Variants in CSE1L observed in about 807,000 individuals in gnomAD.
CSE1L encodes chromosome segregation 1 like.
In CSE1L, 24 loss-of-function variants were observed where a neutral mutation model predicts 120.4. That is an observed-to-expected ratio of 0.20 (90% CI 0.14 to 0.28). The LOEUF (loss-of-function observed/expected upper bound fraction) is 0.28, where lower values mean the gene tolerates loss of function less well. Ranked by LOEUF, CSE1L falls within the 10% of genes least tolerant of loss-of-function variation. The pLI, the probability that CSE1L is intolerant of heterozygous loss-of-function variation, is 1.00. For synonymous variants in CSE1L, 402 were observed against 398.3 expected (o/e 1.01, Z -0.11); for missense variants, 830 against 1,145.2 (o/e 0.72, Z 3.97).
chr20:49,079,051 C>G (rs2091990302), intron 14 of CSE1L, among the ~76,000 whole-genome samples: 1 of 152,018 alleles, frequency 6.6e-6, no homozygotes, highest in African/African-American at 2.4e-5. Flanking sequence ...GCCACCACAC[C>G]TAGCTAATTT....
intron 1 of CSE1L, among the ~76,000 whole-genome samples, chr20:49,052,268 T>A (rs2091772171): frequency 6.6e-6 from 1 of 152,250 alleles, no homozygotes; most frequent in South Asian, 2.1e-4. Flanking sequence ...CTGAAGGTCC[T>A]GAGCATACAG....
At position 49,088,555 on chromosome 20, in the gene CSE1L, T is replaced by C. The variant is rs1013623230; in HGVS notation, c.1821+449T>C. The stretch of plus-strand genomic sequence containing the variant: ...ATTTTACAGATACTTAGATTCATGT[T>C]TATTAACACTAAATTTTAGAAAATA... On this transcript the variant is annotated intron_variant, in intron 17 of 24. Transcript: ENST00000262982. Among the ~76,000 whole-genome samples the C allele has an allele frequency of 2.0e-5, 3 of 152,248 alleles. No individual in the cohort carries two copies. In the South Asian group the frequency reaches 6.2e-4, roughly 31 times the overall value.
rs956803648 is a variant in CSE1L, at chr20:49,094,201, G to A, written c.2509G>A (p.Val837Ile). The change falls in exon 23 of 25, where the codon GTA becomes ATA. Residue 837 changes from valine to isoleucine, a missense_variant. Val to Ile is a conservative substitution (Grantham distance 29). This residue lies in a region of CSE1L where 112 missense variants were observed against 200.0 expected (regional missense o/e 0.56). Coordinates refer to ENST00000262982, the MANE Select transcript of CSE1L (RefSeq NM_001316.4). ...TGAAATTCAGAAGGTATCTGGAAAT[G>A]TAGAGAAAAAGATCTGTGCGGTTGG... ...IPEIQKVSGN[V>I]EKKICAVGIT... is the part of the protein sequence containing the mutation. 1.9e-6 allele frequency: 3 copies of A among 1,606,238 alleles called. No individual in the cohort carries two copies. In the African/African-American group the frequency reaches 4.0e-5, roughly 21 times the overall value.
At chr20:49,058,329 C>G in intron 1 of CSE1L, 124 bp from the exon 2 acceptor site, 1 of 543,446 alleles carries the variant, frequency 1.8e-6, no homozygotes, top group South Asian at 3.4e-5. Flanking sequence ...GTTTACTGCC[C>G]ATATAAAAAA....
chr20:49,094,107 CTAATAT>C (rs1480955296), intron 22 of CSE1L, 27 bp from the exon 23 acceptor site: 2 of 1,282,752 alleles, frequency 1.6e-6, no homozygotes, highest in South Asian at 2.7e-5. Context: ...TAGTGATAAT[CTAATAT>C]TAAGTTGATT....
chr20:49,060,184 T>TAA (rs397839598), intron 2 of CSE1L, among the ~76,000 whole-genome samples: 53 of 133,466 alleles, frequency 4.0e-4, no homozygotes, highest in Admixed American at 5.4e-4. Flanking sequence ...AATCTTGTCT[T>TAA]AAAAAAAAAA....
chr20:49,089,271 C>A lies in CSE1L; in HGVS notation c.1846C>A (p.His616Asn). The A allele has an allele frequency of 6.3e-7, 1 of 1,585,762 alleles. No homozygotes were observed. The highest frequency in any genetic ancestry group is 1.9e-5 in the Admixed American group (1 of 52,160). ...SKNPSKPHFN[H>N]YMFEAICLSI... ...GAACCCAAGCAAACCTCACTTTAAT[C>A]ACTACATGTTTGAAGCAATATGTTT... The change falls in exon 18 of 25, where the codon CAC becomes AAC. Residue 616 changes from histidine (H) to asparagine (N), a missense_variant. Coordinates refer to ENST00000262982, the MANE Select transcript of CSE1L (RefSeq NM_001316.4).
chr20:49,062,591 G>A lies in CSE1L; in HGVS notation c.86-611G>A, dbSNP rs555383689. On this transcript the variant is annotated intron_variant, in intron 2 of 24. Transcript: ENST00000262982. ...GCTTAGGGCTGGTAAGGTAAAATAA[G>A]GACTGCACTAAAACTTTCAGTAGTG... Among the ~76,000 whole-genome samples, 3 of 151,994 alleles carry A rather than the reference G, an allele frequency of 2.0e-5. No individual in the cohort carries two copies. The East Asian group carries it at 5.8e-4, about 29-fold the overall frequency.
chr20:49,095,715 A>C (rs1600555850), intron 24 of CSE1L, among the ~76,000 whole-genome samples: 1 of 152,126 alleles, frequency 6.6e-6, no homozygotes, highest in East Asian at 1.9e-4. Context: ...TAGAGTTCTT[A>C]CATGTTACCT....
intron 1 of CSE1L, among the ~76,000 whole-genome samples, chr20:49,051,943 G>A (rs753548125): frequency 2.6e-5 from 4 of 152,188 alleles, no homozygotes; most frequent in Non-Finnish European, 5.9e-5. Flanking sequence ...TGATCCTTCC[G>A]CCTCGGCCTT....
rs2091939249 is a variant in CSE1L, at chr20:49,072,396, T to C, written c.879T>C (p.Phe293=). 1.2e-6 allele frequency: 2 copies of C among 1,614,218 alleles called. No homozygotes were observed. The highest frequency in any genetic ancestry group is 1.3e-5 in the African/African-American group (1 of 75,072). ...DEEFQRYLPR[F]VTAIWNLLVT... is the part of the protein sequence containing the mutation. ...AATTCCAGCGATACCTGCCTCGTTTTGTTACAGCCATCTGGAATTTACTAG... is the reference window on the plus strand; with the variant it reads ...AATTCCAGCGATACCTGCCTCGTTTCGTTACAGCCATCTGGAATTTACTAG... The change falls in exon 9 of 25, where the codon TTT becomes TTC. Residue 293 remains phenylalanine, a synonymous_variant. Coordinates refer to ENST00000262982, the MANE Select transcript of CSE1L (RefSeq NM_001316.4).
intron 2 of CSE1L, among the ~76,000 whole-genome samples, chr20:49,058,995 G>C (rs920859195): frequency 6.6e-6 from 1 of 152,072 alleles, no homozygotes; most frequent in East Asian, 1.9e-4. Context: ...GCCGGGCGTG[G>C]TGGCGGGTGC....
chr20:49,084,597 C>T (rs2092038668), intron 15 of CSE1L, among the ~76,000 whole-genome samples: 1 of 152,158 alleles, frequency 6.6e-6, no homozygotes, highest in South Asian at 2.1e-4. Context: ...CAGTTATTTT[C>T]ATGTGGCTAT....
Position 49,052,190 on chromosome 20 carries a change from A to T in CSE1L, c.-12+5767A>T, listed in dbSNP as rs116384619. Among the ~76,000 whole-genome samples, 1,221 of 152,286 alleles carry T rather than the reference A, an allele frequency of 8.0e-3. 19 individuals are homozygous for T. The highest frequency in any genetic ancestry group is 0.028 in the African/African-American group (1,145 of 41,568). ...ACTCATGTTTTGCTGGGTGACTGAC[A>T]TGTTGTGACTTATCCTTTAGTTCAT... On this transcript the variant is annotated intron_variant, in intron 1 of 24. Coordinates refer to ENST00000262982, the MANE Select transcript of CSE1L (RefSeq NM_001316.4).
At chr20:49,091,703 A>G (rs934817459) in intron 21 of CSE1L, among the ~76,000 whole-genome samples, 1 of 152,208 alleles carries the variant, frequency 6.6e-6, no homozygotes, top group African/African-American at 2.4e-5. Flanking sequence ...CCTAGGTGAT[A>G]GAGTGAAACC....
Position 49,058,697 on chromosome 20 carries a change from A to G in CSE1L, c.85+149A>G, listed in dbSNP as rs927066081. The G allele has an allele frequency of 1.4e-4, 78 of 539,050 alleles. No homozygotes were observed. The South Asian group carries it at 2.2e-3, about 15-fold the overall frequency. 33.4% of individuals were successfully genotyped at this position (539,050 alleles called of 1,614,324 possible). A position where few individuals can be genotyped will look rare whatever the true frequency, so the allele number is the denominator to read the frequency against. ...TTATAAGTGTTACAGCTGCTATACC[A>G]TGGTGTGTTGTTTCTTTTTTGAGTA... On this transcript the variant is annotated intron_variant, in intron 2 of 24. Coordinates refer to ENST00000262982, the MANE Select transcript of CSE1L (RefSeq NM_001316.4).
At chr20:49,087,912 TAGTTGATG>T in intron 16 of CSE1L, 89 bp from the exon 17 acceptor site, 1 of 710,684 alleles carries the variant, frequency 1.4e-6, no homozygotes, top group Non-Finnish European at 2.3e-6. Context: ...TCTTAAAATT[TAGTTGATG>T]AATTAGTGCG....
chr20:49,055,957 TTG>T (rs2091803511), intron 1 of CSE1L, among the ~76,000 whole-genome samples: 1 of 152,126 alleles, frequency 6.6e-6, no homozygotes, highest in Admixed American at 6.6e-5. Context: ...TTTACAAAAA[TTG>T]TGTGTTTAGT....
intron 14 of CSE1L, among the ~76,000 whole-genome samples, chr20:49,079,778 A>G (rs1488993962): frequency 6.6e-6 from 1 of 152,012 alleles, no homozygotes; most frequent in Non-Finnish European, 1.5e-5. Flanking sequence ...TTCTATTTGC[A>G]TTTGGTCTAA....
Sources: gnomAD v4.1 joint callset for allele counts (sites outside exome capture counted in the v4.1 genomes callset) on GRCh38, gnomAD v4.1.1 for gene constraint, gnomAD v4.1.1 regional missense constraint, MANE v1.5 for transcripts, NCBI Gene and HGNC (gene_info 2026-07-23, HGNC 2026-07-21) for gene names.